PLEKHB1: variants seen among roughly 807,000 people sequenced by gnomAD.
The protein encoded by PLEKHB1 is pleckstrin homology domain containing B1, also known as pleckstrin homology domain-containing family B member 1.
PLEKHB1 carries 29 observed loss-of-function variants against 36.2 expected under a neutral mutation model. That is an observed-to-expected ratio of 0.80 (90% CI 0.60 to 1.09). The LOEUF is 1.09. Among genes scored for constraint, PLEKHB1 ranks in the 50% least tolerant of loss-of-function variants. The pLI is 0.00. For missense variants in PLEKHB1, 330 were observed against 348.2 expected (o/e 0.95, Z 0.42); for synonymous variants, 138 against 140.0 (o/e 0.99, Z 0.10).
chr11:73,652,903 T>A, intron 4 of PLEKHB1, 72 bp from the exon 5 acceptor site: 1 of 1,347,606 alleles, frequency 7.4e-7, no homozygotes, highest in Non-Finnish European at 1.0e-6. Flanking sequence ...GAGAGGAAAG[T>A]CTAAAATGTG....
rs753382464 is a variant in PLEKHB1, at chr11:73,651,819, T to A, written c.279T>A (p.Asp93Glu). ...AGCCCCCAGAGGGCCGGAGCCGAGATGGCCTGCTGACTGTGAACCTACGGG... is the reference window on the plus strand; with the variant it reads ...AGCCCCCAGAGGGCCGGAGCCGAGAAGGCCTGCTGACTGTGAACCTACGGG... ...DVQPPEGRSR[D>E]GLLTVNLREG... Residue 93 changes from aspartate to glutamate, a missense_variant, in exon 4 of 8, where the codon GAT becomes GAA. By Grantham distance (45) the Asp-to-Glu change is conservative. Transcript: ENST00000354190. The A allele has an allele frequency of 2.5e-6, 4 of 1,613,600 alleles. No individual in the cohort carries two copies. The African/African-American group carries it at 4.0e-5, about 16-fold the overall frequency.
intron 4 of PLEKHB1, chr11:73,652,167 C>G (rs1944910813): frequency 2.2e-6 from 1 of 454,708 alleles, no homozygotes; most frequent in Non-Finnish European, 4.0e-6. Flanking sequence ...TCTTTAGCGG[C>G]CTCTGAGGTG....
intron 3 of PLEKHB1, 137 bp from the exon 4 acceptor site, chr11:73,651,651 G>T: frequency 1.4e-6 from 1 of 694,686 alleles, no homozygotes; most frequent in South Asian, 1.6e-5. Context: ...CCCTCAGAGA[G>T]TATATGGGAT....
intron 2 of PLEKHB1, 29 bp downstream of exon 2, chr11:73,649,116 G>T: frequency 6.4e-7 from 1 of 1,573,340 alleles, no homozygotes; most frequent in Non-Finnish European, 8.6e-7. Flanking sequence ...CTGGTCCTGG[G>T]GCAGGGTGAA....
At position 73,651,784 on chromosome 11, in the gene PLEKHB1, C is replaced by T. The variant is rs1395805638; in HGVS notation, c.248-4C>T. On this transcript the variant is annotated splice_region_variant and splice_polypyrimidine_tract_variant and intron_variant, in intron 3 of 7. Transcript: ENST00000354190. Reference sequence around the variant, plus strand: ...GAAACCCATATATGTGTGTCTGCTTCCAGATGTGCAGCCCCCAGAGGGCCG... The same window carrying T: ...GAAACCCATATATGTGTGTCTGCTTTCAGATGTGCAGCCCCCAGAGGGCCG... 1.9e-6 allele frequency: 3 copies of T among 1,612,568 alleles called. No individual in the cohort carries two copies. The highest frequency in any genetic ancestry group is 1.3e-5 in the African/African-American group (1 of 74,924).
chr11:73,651,696 C>T, intron 3 of PLEKHB1, 92 bp from the exon 4 acceptor site: 1 of 1,000,178 alleles, frequency 1.0e-6, no homozygotes, highest in Non-Finnish European at 1.5e-6. Flanking sequence ...AAACAGAGCC[C>T]AGAGAAGTCA....
chr11:73,653,862 G>A (rs544702759), intron 5 of PLEKHB1, among the ~76,000 whole-genome samples: 1 of 152,248 alleles, frequency 6.6e-6, no homozygotes, highest in South Asian at 2.1e-4. Context: ...AAGGATGTTG[G>A]TTTCTGCTAA....
At chr11:73,660,526 A>C (rs1945083199) in intron 6 of PLEKHB1, 1 of 558,016 alleles carries the variant, frequency 1.8e-6, no homozygotes, top group African/African-American at 1.9e-5. Flanking sequence ...AGAGTTGGAG[A>C]ATGGGTGTCA....
At chr11:73,660,925 G>C (rs987406906) in intron 7 of PLEKHB1, 73 bp downstream of exon 7, 5 of 1,359,840 alleles carry the variant, frequency 3.7e-6, no homozygotes, top group African/African-American at 2.9e-5. Flanking sequence ...CCCACGGTCC[G>C]TAAGTCCGGA....
In PLEKHB1 at chr11:73,661,819, T is replaced by C. The variant is rs1377592267; in HGVS notation, c.*217T>C. ...ACAAACATCGCTTGAAGTCTTCACA[T>C]CTACCACTAGACACCCCCAAAATCT... On this transcript the variant is annotated 3_prime_UTR_variant, in exon 8 of 8. Coordinates refer to ENST00000354190, the MANE Select transcript of PLEKHB1 (RefSeq NM_021200.3). This position sits in a 1 kb window ranked among gnomAD's most constrained non-coding sequence, Gnocchi z 4.6. 1 of 567,142 alleles carries C rather than the reference T, an allele frequency of 1.8e-6. No homozygotes were observed. Among genetic ancestry groups the C allele is most frequent in the Non-Finnish European group, 2.9e-6 (1 of 339,042 alleles). 35.1% of individuals were successfully genotyped at this position (567,142 alleles called of 1,614,324 possible).
chr11:73,650,898 G>A (rs1944877177), intron 3 of PLEKHB1, among the ~76,000 whole-genome samples, 193 bp downstream of exon 3: 1 of 151,922 alleles, frequency 6.6e-6, no homozygotes, highest in South Asian at 2.1e-4. Flanking sequence ...GTGTGGTGGC[G>A]CATGCCTGTA....
At chr11:73,647,141 C>T (rs764314081) in intron 1 of PLEKHB1, among the ~76,000 whole-genome samples, 25 of 152,156 alleles carry the variant, frequency 1.6e-4, no homozygotes, top group Non-Finnish European at 3.1e-4. Context: ...TTTCGGGTCG[C>T]CTAGGAAACT....
Position 73,651,592 on chromosome 11 carries a change from G to A in PLEKHB1, c.248-196G>A, listed in dbSNP as rs933174935. ...AGGGTAACTGGGAGGTGTGCTGAGG[G>A]AAGCCTCAGCATGGAAAGGTTGGAA... is the stretch of plus-strand genomic sequence containing the variant. On this transcript the variant is annotated intron_variant, in intron 3 of 7. Transcript: ENST00000354190. The A allele has an allele frequency of 2.4e-5, 16 of 666,048 alleles. No homozygotes were observed. The Admixed American group carries it at 3.0e-4, about 12-fold the overall frequency. The allele number at this position is 666,048 out of a possible 1,614,324, so 41.3% of individuals were successfully genotyped here.
At chr11:73,658,110 GACAGC>G (rs755437905) in intron 6 of PLEKHB1, among the ~76,000 whole-genome samples, 1 of 152,216 alleles carries the variant, frequency 6.6e-6, no homozygotes, top group Non-Finnish European at 1.5e-5. Flanking sequence ...ACAACGTGAA[GACAGC>G]ATGATCGGTG....
intron 6 of PLEKHB1, among the ~76,000 whole-genome samples, chr11:73,659,151 G>A (rs1196525203): frequency 2.0e-5 from 3 of 151,892 alleles, no homozygotes; most frequent in East Asian, 1.9e-4. Context: ...GCTTGAACCC[G>A]GGAGGCGGAG....
At position 73,660,843 on chromosome 11, in the gene PLEKHB1, C is replaced by T. The variant is rs1261346951; in HGVS notation, c.586C>T (p.Pro196Ser). The change falls in exon 7 of 8, where the codon CCC (proline) becomes TCC (serine). Residue 196 changes from proline (P) to serine (S), a missense_variant. Transcript: ENST00000354190. ...GTATGTCCGCAGCTACTACGGACCGCCCTACGCAGGTAAGTCTCCAGCGTG... is the reference window on the plus strand; with the variant it reads ...GTATGTCCGCAGCTACTACGGACCGTCCTACGCAGGTAAGTCTCCAGCGTG... ...ATYVRSYYGP[P>S]YAGPGVTHVI... The T allele has an allele frequency of 3.2e-6, 5 of 1,586,658 alleles. No individual in the cohort carries two copies. The highest frequency in any genetic ancestry group is 4.3e-6 in the Non-Finnish European group (5 of 1,169,620).
chr11:73,650,548 T>C lies in PLEKHB1; in HGVS notation c.95-5T>C, dbSNP rs1944866170. 1.2e-6 allele frequency: 2 copies of C among 1,605,738 alleles called. No homozygotes were observed. The highest frequency in any genetic ancestry group is 1.7e-6 in the Non-Finnish European group (2 of 1,176,136). Reference sequence around the variant, plus strand: ...CCTGCCTAGTGCATCTGGAATATCGTACAGGCTCCATCCTCCGCCGCTGGA... The same window carrying C: ...CCTGCCTAGTGCATCTGGAATATCGCACAGGCTCCATCCTCCGCCGCTGGA... On this transcript the variant is annotated splice_polypyrimidine_tract_variant and splice_region_variant and intron_variant, in intron 2 of 7. Coordinates refer to ENST00000354190, the MANE Select transcript of PLEKHB1 (RefSeq NM_021200.3).
intron 5 of PLEKHB1, among the ~76,000 whole-genome samples, chr11:73,654,274 C>A (rs968284012): frequency 6.6e-6 from 1 of 152,208 alleles, no homozygotes; most frequent in South Asian, 2.1e-4. Context: ...TTGGCCTCCA[C>A]CCCCATCTGC....
At chr11:73,660,672 A>T in intron 6 of PLEKHB1, 81 bp from the exon 7 acceptor site, 1 of 1,332,032 alleles carries the variant, frequency 7.5e-7, no homozygotes, top group Non-Finnish European at 1.0e-6. Context: ...GATCCCAGAG[A>T]GGCCTGTGCC....
Sources: allele counts gnomAD v4.1 joint callset (sites outside exome capture counted in the v4.1 genomes callset), GRCh38; gene constraint gnomAD v4.1.1; non-coding constraint Gnocchi (gnomAD v3.1); transcripts MANE v1.5; gene names NCBI Gene and HGNC (gene_info 2026-07-23, HGNC 2026-07-21).